CATSPERT: variants seen among roughly 807,000 people sequenced by gnomAD.
The protein encoded by CATSPERT is catsper channel auxiliary subunit tau, also known as cation channel sperm-associated targeting subunit tau.
the CATSPERT span, among the ~76,000 whole-genome samples, chr2:201,564,470 C>A: frequency 0.055 from 8,370 of 152,122 alleles, 279 homozygotes; most frequent in African/African-American, 0.08. Context: ...CACAGAAGAT[C>A]CAGATAATGA....
At chr2:201,575,397 G>T in the CATSPERT span, 1 of 1,273,286 alleles carries the variant, frequency 7.9e-7, no homozygotes, top group Non-Finnish European at 1.1e-6. Context: ...CGAAACCAAG[G>T]GTCCCCAACC....
chr2:201,589,402 C>A, the CATSPERT span, among the ~76,000 whole-genome samples: 4 of 151,998 alleles, frequency 2.6e-5, no homozygotes, highest in Non-Finnish European at 4.4e-5. Context: ...GGTACAAAAA[C>A]AGACACATAG....
At chr2:201,528,030 C>T in the CATSPERT span, among the ~76,000 whole-genome samples, 7 of 148,382 alleles carry the variant, frequency 4.7e-5, no homozygotes, top group Non-Finnish European at 8.9e-5. Context: ...GTCTAATATC[C>T]AGAATCTATA....
the CATSPERT span, among the ~76,000 whole-genome samples, chr2:201,615,901 A>G: frequency 6.6e-6 from 1 of 152,198 alleles, no homozygotes; most frequent in South Asian, 2.1e-4. Context: ...CAGAAATACA[A>G]ACTACCATCA....
chr2:201,511,845 T>A, the CATSPERT span: 14 of 86,666 alleles, frequency 1.6e-4, no homozygotes, highest in Admixed American at 2.4e-4. Flanking sequence ...CTTGGCTCAT[T>A]AAAAAAAAAA....
At chr2:201,500,064 C>T in the CATSPERT span, among the ~76,000 whole-genome samples, 1 of 151,818 alleles carries the variant, frequency 6.6e-6, no homozygotes, top group South Asian at 2.1e-4. Flanking sequence ...CAAGAACTTA[C>T]ATTTTTTTAA....
chr2:201,608,814 C>T, the CATSPERT span, among the ~76,000 whole-genome samples: 1 of 133,212 alleles, frequency 7.5e-6, no homozygotes, highest in Non-Finnish European at 1.6e-5. Context: ...AAGATCCTGT[C>T]TCAAAAAAAA....
chr2:201,511,936 G>A, the CATSPERT span: 4 of 143,960 alleles, frequency 2.8e-5, no homozygotes, highest in African/African-American at 1.0e-4. Flanking sequence ...AAGATTTTGT[G>A]ACTTGTTTGT....
the CATSPERT span, among the ~76,000 whole-genome samples, chr2:201,508,838 A>G: frequency 6.6e-6 from 1 of 151,664 alleles, no homozygotes; most frequent in East Asian, 1.9e-4. Flanking sequence ...AAGGTTGAAT[A>G]ACATTCCATT....
chr2:201,508,747 G>A, the CATSPERT span, among the ~76,000 whole-genome samples: 3 of 152,002 alleles, frequency 2.0e-5, no homozygotes, highest in Non-Finnish European at 1.5e-5. Context: ...TTGTCCTTTC[G>A]TGATGGGCTC....
chr2:201,488,858 G>A, the CATSPERT span, among the ~76,000 whole-genome samples: 1 of 152,164 alleles, frequency 6.6e-6, no homozygotes, highest in Non-Finnish European at 1.5e-5. Context: ...GTTTGGAGAA[G>A]GCAAGAAAAC....
chr2:201,534,349 C>T, the CATSPERT span: 11 of 931,454 alleles, frequency 1.2e-5, no homozygotes, highest in Non-Finnish European at 1.3e-5. Flanking sequence ...CTTTTTTAAT[C>T]CACTAGGTTT....
the CATSPERT span, among the ~76,000 whole-genome samples, chr2:201,594,392 C>G: frequency 6.6e-6 from 1 of 152,094 alleles, no homozygotes; most frequent in African/African-American, 2.4e-5. Context: ...CCCGACCTTT[C>G]TCTCTGGCTG....
chr2:201,519,793 A>G, the CATSPERT span, among the ~76,000 whole-genome samples: 5 of 152,236 alleles, frequency 3.3e-5, no homozygotes, highest in African/African-American at 1.2e-4. Flanking sequence ...GTCCTTTGAA[A>G]TAACACAGGC....
the CATSPERT span, chr2:201,554,823 C>T: frequency 2.7e-5 from 4 of 150,392 alleles, no homozygotes; most frequent in African/African-American, 9.8e-5. Flanking sequence ...AAATCCAGGG[C>T]TCTATTTCCT....
the CATSPERT span, chr2:201,535,728 T>C: frequency 7.5e-7 from 1 of 1,333,760 alleles, no homozygotes. Flanking sequence ...TAGACACATT[T>C]CCACTTGGAG....
At chr2:201,564,801 G>A in the CATSPERT span, among the ~76,000 whole-genome samples, 386 of 152,260 alleles carry the variant, frequency 2.5e-3, 1 homozygote, top group Non-Finnish European at 4.3e-3. Context: ...CTCCAGAACT[G>A]TAATAAATAA....
chr2:201,558,908 T>G, the CATSPERT span, among the ~76,000 whole-genome samples: 1 of 152,050 alleles, frequency 6.6e-6, no homozygotes, highest in South Asian at 2.1e-4. Flanking sequence ...AGAGCCTGGG[T>G]CTAGTACTAG....
chr2:201,595,827 C>G, the CATSPERT span, among the ~76,000 whole-genome samples: 1 of 150,380 alleles, frequency 6.6e-6, no homozygotes, highest in Non-Finnish European at 1.5e-5. Flanking sequence ...CTCAACATCA[C>G]TGATCATTAG....
Sources: gnomAD v4.1 joint callset for allele counts (sites outside exome capture counted in the v4.1 genomes callset) on GRCh38, gnomAD v4.1.1 for gene constraint, MANE v1.5 for transcripts, NCBI Gene and HGNC (gene_info 2026-07-23, HGNC 2026-07-21) for gene names.